Variants in DOCK8 observed in about 807,000 individuals in gnomAD.
The protein encoded by DOCK8 is dedicator of cytokinesis 8.
Under a neutral mutation model 245.6 loss-of-function variants are expected in DOCK8, and 141 were observed. That is an observed-to-expected ratio of 0.57 (90% CI 0.50 to 0.66). The LOEUF is 0.66. Among genes scored for constraint, DOCK8 ranks in the 30% least tolerant of loss-of-function variants. The pLI, the probability that DOCK8 is intolerant of heterozygous loss-of-function variation, is 0.00. For synonymous variants in DOCK8, 1,168 were observed against 970.2 expected (o/e 1.20, Z -3.79); for missense variants, 2,965 against 2,603.4 (o/e 1.14, Z -3.02).
chr9:368,229 C>T (rs557655618), intron 15 of DOCK8, 94 bp downstream of exon 15: 43 of 1,084,606 alleles, frequency 4.0e-5, no homozygotes, highest in South Asian at 2.8e-4. Flanking sequence ...GTACAAAGTC[C>T]GTCTATTCCA....
intron 28 of DOCK8, among the ~76,000 whole-genome samples, chr9:407,997 A>G (rs947024936): frequency 3.9e-5 from 6 of 152,188 alleles, no homozygotes; most frequent in Non-Finnish European, 8.8e-5. Flanking sequence ...AACGAAATCT[A>G]AAGCCATGGT....
chr9:317,181 C>T (rs185763132), intron 7 of DOCK8, 53 bp downstream of exon 7: 2 of 1,363,610 alleles, frequency 1.5e-6, no homozygotes, highest in Non-Finnish European at 2.1e-6. Context: ...TTGCCTTTTA[C>T]ATACAAATGT....
At chr9:328,648 G>A (rs2050866862) in intron 9 of DOCK8, among the ~76,000 whole-genome samples, 1 of 152,132 alleles carries the variant, frequency 6.6e-6, no homozygotes, top group African/African-American at 2.4e-5. Context: ...TTGCTCTAGA[G>A]ATGCATAGTT....
intron 2 of DOCK8, among the ~76,000 whole-genome samples, chr9:275,777 CAG>C (rs2048323223): frequency 1.3e-5 from 2 of 152,056 alleles, no homozygotes; most frequent in Admixed American, 1.3e-4. Context: ...TTAGTAGAGA[CAG>C]GGTTTCACCA....
At chr9:384,548 G>T (rs2053866476) in intron 22 of DOCK8, among the ~76,000 whole-genome samples, 1 of 152,164 alleles carries the variant, frequency 6.6e-6, no homozygotes, top group Admixed American at 6.5e-5. Context: ...ACTGTGCTGG[G>T]CCTCATGTCC....
At chr9:305,851 A>G (rs915692748) in intron 5 of DOCK8, among the ~76,000 whole-genome samples, 4 of 151,648 alleles carry the variant, frequency 2.6e-5, no homozygotes, top group Non-Finnish European at 5.9e-5. Flanking sequence ...AGCATTATTC[A>G]CAGCAGCCAA....
intron 7 of DOCK8, among the ~76,000 whole-genome samples, chr9:319,922 C>T (rs891554420): frequency 6.6e-6 from 1 of 152,196 alleles, no homozygotes; most frequent in South Asian, 2.1e-4. Context: ...CTTTAATGTG[C>T]AGAAAATTTG....
At chr9:300,066 A>G (rs1586637732) in intron 4 of DOCK8, among the ~76,000 whole-genome samples, 1 of 151,530 alleles carries the variant, frequency 6.6e-6, no homozygotes, top group African/African-American at 2.4e-5. Flanking sequence ...CTTGACTTGA[A>G]TTAGTCACCA....
rs745991045 is a variant in DOCK8 at position 446,386 on chromosome 9, C to T, written c.5597C>T (p.Thr1866Ile). The T allele has an allele frequency of 6.2e-7, 1 of 1,614,204 alleles. No individual in the cohort carries two copies. Among genetic ancestry groups the T allele is most frequent in the Non-Finnish European group, 8.5e-7 (1 of 1,180,018 alleles). The change falls in exon 44 of 48, where the codon ACT (threonine) becomes ATT (isoleucine). Residue 1866 changes from threonine to isoleucine, a missense_variant. Physicochemically the swap from Thr to Ile is moderately conservative, Grantham distance 89. Coordinates refer to ENST00000432829, the MANE Select transcript of DOCK8 (RefSeq NM_203447.4). ...CCCCCTTAGGCCTACATACAGATCA[C>T]TTTTGTGGAGCCCTACTTTGATGAG... ...LDPNKAYIQI[T>I]FVEPYFDEYE...
Position 372,266 on chromosome 9 carries a change from T to G in DOCK8, c.2089T>G (p.Tyr697Asp). 3 of 1,614,010 alleles carry G rather than the reference T, an allele frequency of 1.9e-6. No individual in the cohort carries two copies. Among genetic ancestry groups the G allele is most frequent in the Non-Finnish European group, 2.5e-6 (3 of 1,179,918 alleles). The change falls in exon 18 of 48, where the codon TAC becomes GAC. Residue 697 changes from tyrosine to aspartate, a missense_variant. Transcript: ENST00000432829. The part of the protein sequence containing the change: ...PVALEKLPPN[Y>D]SMHSAEKVPL... ...TGCCTTGGAAAAATTGCCACCCAAC[T>G]ACTCCATGCATTCTGCTGAGGTAAT...
At chr9:413,518 A>G (rs1443157272) in intron 28 of DOCK8, among the ~76,000 whole-genome samples, 1 of 152,210 alleles carries the variant, frequency 6.6e-6, no homozygotes, top group East Asian at 1.9e-4. Context: ...CTAATAGGGG[A>G]CTTGTATCTG....
chr9:348,204 C>G (rs12350385), intron 14 of DOCK8, among the ~76,000 whole-genome samples: 1 of 152,134 alleles, frequency 6.6e-6, no homozygotes, highest in African/African-American at 2.4e-5. Context: ...AGCTAAAGAT[C>G]GAAATCTTCT....
rs2051319589 is a variant in DOCK8 at position 336,527 on chromosome 9, G to A, written c.1286-55G>A. ...CATACATATTGTGAAGTTAATAACT[G>A]CTGTGTGTTTGAACAGAAAGGCATA... On this transcript the variant is annotated intron_variant, in intron 11 of 47. Coordinates refer to ENST00000432829, the MANE Select transcript of DOCK8 (RefSeq NM_203447.4). 5.0e-6 allele frequency: 8 copies of A among 1,611,106 alleles called. No homozygotes were observed. In the Admixed American group the frequency reaches 6.7e-5, roughly 13 times the overall value.
chr9:276,998 G>A lies in DOCK8; in HGVS notation c.156+5269G>A, dbSNP rs570837355. The A allele has an allele frequency of 5.1e-5, 17 of 334,760 alleles. No homozygotes were observed. The East Asian group carries it at 6.9e-4, about 14-fold the overall frequency. The allele number at this position is 334,760 out of a possible 1,614,324, so 20.7% of individuals were successfully genotyped here. On this transcript the variant is annotated intron_variant, in intron 2 of 47. Transcript: ENST00000432829. ...ATTTTTGTATTTTTTTTGTAGAGAC[G>A]GAGTTTCTCCATGTTGTCCAGGCTG... is the stretch of plus-strand genomic sequence containing the variant.
intron 31 of DOCK8, 34 bp from the exon 32 acceptor site, chr9:420,915 A>G (rs767663965): frequency 8.1e-6 from 13 of 1,613,936 alleles, no homozygotes; most frequent in Non-Finnish European, 1.1e-5. Context: ...AGATCTCACC[A>G]AAGGACATGT....
At chr9:441,214 A>G (rs933220454) in intron 40 of DOCK8, 72 bp from the exon 41 acceptor site, 25 of 1,594,994 alleles carry the variant, frequency 1.6e-5, no homozygotes, top group Middle Eastern at 1.7e-4. Flanking sequence ...TGTTTGGACA[A>G]TGACCTCTGG....
At chr9:384,883 T>G (rs1017391961) in intron 22 of DOCK8, among the ~76,000 whole-genome samples, 2 of 152,048 alleles carry the variant, frequency 1.3e-5, no homozygotes, top group Non-Finnish European at 2.9e-5. Flanking sequence ...GCCACCGCAC[T>G]CCAGCCTGGG....
chr9:454,004 C>T (rs1440503901), intron 46 of DOCK8, among the ~76,000 whole-genome samples: 2 of 152,052 alleles, frequency 1.3e-5, no homozygotes, highest in African/African-American at 4.8e-5. Flanking sequence ...AGGACATAGC[C>T]CTGCATGGCT....
chr9:333,962 C>T (rs994728044), intron 10 of DOCK8, among the ~76,000 whole-genome samples: 5 of 152,072 alleles, frequency 3.3e-5, no homozygotes, highest in East Asian at 1.9e-4. Context: ...TTTTTGTTTT[C>T]GTTAGCTAAA....
Sources: allele counts gnomAD v4.1 joint callset (sites outside exome capture counted in the v4.1 genomes callset), GRCh38; gene constraint gnomAD v4.1.1; transcripts MANE v1.5; gene names NCBI Gene and HGNC (gene_info 2026-07-23, HGNC 2026-07-21).